Variants in VPS13C observed in about 807,000 individuals in gnomAD.
The protein encoded by VPS13C is vacuolar protein sorting 13 homolog C, also known as intermembrane lipid transfer protein VPS13C.
In VPS13C, 358 loss-of-function variants were observed where a neutral mutation model predicts 456.8. The ratio of observed to expected loss-of-function variants is 0.78; its 90% CI spans 0.72 to 0.86. VPS13C has a LOEUF of 0.86. VPS13C is among the 40% of genes least tolerant of loss of function. The probability of loss-of-function intolerance (pLI) is 0.00; values close to 1 mark genes in which losing one functional copy is unlikely to be tolerated. For missense variants in VPS13C, 4,818 were observed against 4,385.4 expected, an observed-to-expected ratio of 1.10 and a Z score of -2.79; for synonymous variants, 1,578 against 1,486.7, an observed-to-expected ratio of 1.06 and a Z score of -1.41.
rs139720224 is a variant in VPS13C at position 61,869,554 on chromosome 15, C to T, written c.10694G>A (p.Arg3565His). ...IGKGLVGAVARPTGGIVDMAS... is the reference protein window; with the variant it reads ...IGKGLVGAVAHPTGGIVDMAS... Reference sequence around the variant, plus strand: ...CATATCTACGATTCCACCAGTTGGACGGGCCACAGCACCCACAAGCCCTTT... The same window carrying T: ...CATATCTACGATTCCACCAGTTGGATGGGCCACAGCACCCACAAGCCCTTT... Residue 3565 changes from arginine (R) to histidine (H), a missense_variant, in exon 80 of 85, where the codon CGT (arginine) becomes CAT (histidine). By Grantham distance (29) the Arg-to-His change is conservative (BLOSUM62 0). Around this residue, in one of 3 missense-constraint regions of VPS13C, gnomAD observed 261 missense variants for 234.1 expected, o/e 1.11. Coordinates refer to ENST00000644861, the MANE Select transcript of VPS13C (RefSeq NM_020821.3). The T allele has an allele frequency of 1.1e-5, 18 of 1,613,978 alleles. No homozygotes were observed. In the African/African-American group the frequency reaches 1.5e-4, roughly 13 times the overall value.
At chr15:61,865,826 A>G (rs1252563237) in intron 81 of VPS13C, 1 of 894,904 alleles carries the variant, frequency 1.1e-6, no homozygotes, top group Admixed American at 6.2e-5. Flanking sequence ...AGATTAGAGG[A>G]TAAGTAGAAT....
rs752987258 is a variant in VPS13C at position 61,984,811 on chromosome 15, A to C, written c.1721+46T>G. ...TGAATAACACACATTTTTTGCCTAA[A>C]ACTATAACTAAAAGTAAAAATTGAA... On this transcript the variant is annotated intron_variant, in intron 19 of 84. Coordinates refer to ENST00000644861, the MANE Select transcript of VPS13C (RefSeq NM_020821.3). The C allele has an allele frequency of 4.4e-6, 7 of 1,579,028 alleles. No individual in the cohort carries two copies. In the South Asian group the frequency reaches 8.0e-5, roughly 18 times the overall value.
intron 53 of VPS13C, among the ~76,000 whole-genome samples, chr15:61,924,464 A>G (rs1596337508): frequency 6.6e-6 from 1 of 152,196 alleles, no homozygotes; most frequent in African/African-American, 2.4e-5. Context: ...CATATCCCCA[A>G]TGCCTTGTAA....
At chr15:62,004,874 T>C (rs1375571793) in intron 15 of VPS13C, among the ~76,000 whole-genome samples, 1 of 152,248 alleles carries the variant, frequency 6.6e-6, no homozygotes, top group Non-Finnish European at 1.5e-5. Context: ...GATTGCCCTG[T>C]GATCTGAGAG....
In VPS13C at chr15:62,027,914, A is replaced by C. The variant is rs141710243; in HGVS notation, c.448+444T>G. Reference sequence around the variant, plus strand: ...AGAGGTGAAACAAATCAAAGCTCAGAGGAACACCTCCTGTCACGGTTCTGA... The same window carrying C: ...AGAGGTGAAACAAATCAAAGCTCAGCGGAACACCTCCTGTCACGGTTCTGA... On this transcript the variant is annotated intron_variant, in intron 6 of 84. Transcript: ENST00000644861. Among the ~76,000 whole-genome samples, 228 of 152,204 alleles carry C rather than the reference A, an allele frequency of 1.5e-3. 4 individuals carry two copies. The East Asian group carries it at 0.041, about 27-fold the overall frequency.
Position 61,919,404 on chromosome 15 carries a change from G to A in VPS13C, c.7523C>T (p.Pro2508Leu). Residue 2508 changes from proline (P) to leucine (L), a missense_variant, in exon 58 of 85, where the codon CCT (proline) becomes CTT (leucine). By Grantham distance (98) the Pro-to-Leu change is moderately conservative. Transcript: ENST00000644861. ...CCGTACATTATACAATCGCCGTCCA[G>A]GTCTGGCCACAGGGATATTTGCAAC... ...TEVANIPVAR[P>L]GRRLYNVRNP... The A allele has an allele frequency of 6.3e-7, 1 of 1,597,602 alleles. No homozygotes were observed. Among genetic ancestry groups the A allele is most frequent in the African/African-American group, 1.4e-5 (1 of 74,016 alleles).
chr15:62,025,180 T>C (rs1333544217), intron 6 of VPS13C, among the ~76,000 whole-genome samples: 1 of 152,142 alleles, frequency 6.6e-6, no homozygotes, highest in East Asian at 1.9e-4. Context: ...TCATGTTATA[T>C]ATATTTTAGA....
rs1894855012 is a variant in VPS13C at position 61,869,484 on chromosome 15, G to A, written c.10748+16C>T. On this transcript the variant is annotated intron_variant, in intron 80 of 84. Transcript: ENST00000644861. ...CACACAGACACATACCTTGCACATA[G>A]TATGTACTCAATTACCTCTGAATGC... The A allele has an allele frequency of 6.2e-7, 1 of 1,613,702 alleles. No individual in the cohort carries two copies. Among genetic ancestry groups the A allele is most frequent in the African/African-American group, 1.3e-5 (1 of 74,988 alleles).
rs201593514 is a variant in VPS13C at position 61,922,014 on chromosome 15, A to T, written c.6995T>A (p.Ile2332Asn). 69 of 1,613,606 alleles carry T rather than the reference A, an allele frequency of 4.3e-5. No homozygotes were observed. The highest frequency in any genetic ancestry group is 1.7e-4 in the Admixed American group (10 of 60,012). The change falls in exon 55 of 85, where the codon ATC (isoleucine) becomes AAC (asparagine). Residue 2332 changes from isoleucine (I) to asparagine (N), a missense_variant. This residue lies in a region of VPS13C where 4,552 missense variants were observed against 4,130.6 expected (regional missense o/e 1.10). Transcript: ENST00000644861. The part of the protein sequence containing the change: ...VTLQVHYYNE[I>N]HAVWEPLIER... ...AATCAGTGGCTCCCAGACAGCATGG[A>T]TCTCATTGTAATAGTGCACCTGGAA...
intron 1 of VPS13C, among the ~76,000 whole-genome samples, chr15:62,056,188 C>T (rs1001578727): frequency 6.6e-6 from 1 of 152,106 alleles, no homozygotes; most frequent in Non-Finnish European, 1.5e-5. Flanking sequence ...GGCAAGAGAC[C>T]AAGGACACGA....
intron 66 of VPS13C, among the ~76,000 whole-genome samples, chr15:61,900,411 A>G (rs2042960889): frequency 6.6e-6 from 1 of 152,258 alleles, no homozygotes; most frequent in Admixed American, 6.5e-5. Context: ...CAACTTCAGC[A>G]AAGTCTCAGG....
chr15:62,022,227 A>G (rs891821663), intron 8 of VPS13C, among the ~76,000 whole-genome samples: 1 of 151,864 alleles, frequency 6.6e-6, no homozygotes, highest in African/African-American at 2.4e-5. Context: ...ACCAAACCCT[A>G]AATATACTAG....
At chr15:61,879,194 C>A (rs1895678871) in intron 73 of VPS13C, among the ~76,000 whole-genome samples, 1 of 152,026 alleles carries the variant, frequency 6.6e-6, no homozygotes, top group African/African-American at 2.4e-5. Context: ...GATCCTCCAA[C>A]TTAGTATTTA....
chr15:62,044,289 A>G (rs746246155), intron 1 of VPS13C, 34 bp from the exon 2 acceptor site: 30 of 1,302,652 alleles, frequency 2.3e-5, no homozygotes, highest in Non-Finnish European at 3.0e-5. Context: ...AAATATTACT[A>G]TAACATACCA....
Position 61,961,668 on chromosome 15 carries a change from G to C in VPS13C, c.3829C>G (p.Leu1277Val), listed in dbSNP as rs1348427007. The C allele has an allele frequency of 4.3e-6, 7 of 1,613,894 alleles. No individual in the cohort carries two copies. The highest frequency in any genetic ancestry group is 5.9e-6 in the Non-Finnish European group (7 of 1,179,946). ...GLIRVHNQFSLVSDEDYLNPP... is the reference protein window; with the variant it reads ...GLIRVHNQFSVVSDEDYLNPP... ...TTTAAGTAGTCTTCATCAGACACCA[G>C]ACTGAACTGATTATGAACTCTGATT... The change falls in exon 35 of 85, where the codon CTG becomes GTG. Residue 1277 changes from leucine to valine, a missense_variant. Leu to Val is a conservative substitution (Grantham distance 32, BLOSUM62 1). This residue lies in a region of VPS13C where 4,552 missense variants were observed against 4,130.6 expected (regional missense o/e 1.10). Transcript: ENST00000644861.
At position 61,908,982 on chromosome 15, in the gene VPS13C, T is replaced by C. The variant is rs773262489; in HGVS notation, c.8978+10A>G. On this transcript the variant is annotated intron_variant, in intron 65 of 84. Transcript: ENST00000644861. ...TAAAAGTATTTCCCATTAACCCTTT[T>C]TTCTCATACCTCTGTTTGTATGTGA... The C allele has an allele frequency of 4.3e-6, 7 of 1,612,464 alleles. No homozygotes were observed. The highest frequency in any genetic ancestry group is 5.1e-6 in the Non-Finnish European group (6 of 1,179,294).
intron 23 of VPS13C, 30 bp downstream of exon 23, chr15:61,978,596 C>A: frequency 6.2e-7 from 1 of 1,602,124 alleles, no homozygotes; most frequent in Admixed American, 1.7e-5. Context: ...ATCATAATCC[C>A]AAGATCCTAA....
intron 37 of VPS13C, among the ~76,000 whole-genome samples, chr15:61,955,946 A>G (rs188152925): frequency 1.1e-3 from 173 of 152,230 alleles, no homozygotes; most frequent in African/African-American, 3.9e-3. Context: ...AAACAGAACT[A>G]CCTTTGACCC....
At chr15:62,021,501 T>C (rs1345765289) in intron 8 of VPS13C, among the ~76,000 whole-genome samples, 1 of 151,946 alleles carries the variant, frequency 6.6e-6, no homozygotes, top group Non-Finnish European at 1.5e-5. Flanking sequence ...GCTTAAACTA[T>C]ACCACAGTGT....
Sources: allele counts gnomAD v4.1 joint callset (sites outside exome capture counted in the v4.1 genomes callset), GRCh38; gene constraint gnomAD v4.1.1; regional missense constraint gnomAD v4.1.1; transcripts MANE v1.5; gene names NCBI Gene and HGNC (gene_info 2026-07-23, HGNC 2026-07-21).